The following GRM7 variants were observed in gnomAD, a reference collection of about 807,000 sequenced individuals.
GRM7 encodes glutamate metabotropic receptor 7.
Under a neutral mutation model 84.5 loss-of-function variants are expected in GRM7, and 35 were observed. The ratio of observed to expected loss-of-function variants is 0.41; its 90% CI spans 0.32 to 0.55. The LOEUF (loss-of-function observed/expected upper bound fraction) is 0.55, where lower values mean the gene tolerates loss of function less well. GRM7 is among the 20% of genes least tolerant of loss of function. GRM7 has a pLI of 0.19. For missense variants in GRM7, 1,003 were observed against 1,194.6 expected (o/e 0.84, Z 2.36); for synonymous variants, 487 against 455.1 (o/e 1.07, Z -0.89).
At chr3:7,082,034 T>C (rs993667063) in intron 1 of GRM7, among the ~76,000 whole-genome samples, 6 of 152,100 alleles carry the variant, frequency 3.9e-5, no homozygotes, top group Admixed American at 2.6e-4. Context: ...AGTGCTGATA[T>C]AGAAGCAGCA....
chr3:7,399,150 A>G (rs1023786970), intron 4 of GRM7, among the ~76,000 whole-genome samples: 1 of 149,704 alleles, frequency 6.7e-6, no homozygotes, highest in East Asian at 2.0e-4. Flanking sequence ...TGGAAATCAC[A>G]CATCTTCCTA....
intron 1 of GRM7, among the ~76,000 whole-genome samples, chr3:7,067,733 G>A (rs902606264): frequency 3.3e-5 from 5 of 151,914 alleles, no homozygotes; most frequent in African/African-American, 1.2e-4. Context: ...TTAGTCGTAA[G>A]GGTCATCCTG....
chr3:7,302,953 T>G (rs77788431), intron 3 of GRM7, among the ~76,000 whole-genome samples: 54,541 of 140,946 alleles, frequency 0.39, 11,077 homozygotes, highest in Middle Eastern at 0.52. Flanking sequence ...TTTTTTTTTT[T>G]TTGTTGAGAC....
At chr3:6,989,884 A>G (rs1026737134) in intron 1 of GRM7, among the ~76,000 whole-genome samples, 1 of 152,212 alleles carries the variant, frequency 6.6e-6, no homozygotes, top group African/African-American at 2.4e-5. Context: ...GCCTCTCTCT[A>G]CTATGTGCTA....
Position 7,451,211 on chromosome 3 carries a change from A to G in GRM7, c.1175-1396A>G, listed in dbSNP as rs574714312. 6.6e-5 allele frequency among the ~76,000 whole-genome samples: 10 copies of G among 152,354 alleles called. No individual in the cohort carries two copies. The South Asian group carries it at 1.7e-3, about 25-fold the overall frequency. Reference sequence around the variant, plus strand: ...CTGGTGTCGTGTACTTAATGAATGCATAATTTAATGCAACAAGTGTTATTT... The same window carrying G: ...CTGGTGTCGTGTACTTAATGAATGCGTAATTTAATGCAACAAGTGTTATTT... On this transcript the variant is annotated intron_variant, in intron 5 of 9. Coordinates refer to ENST00000357716, the MANE Select transcript of GRM7 (RefSeq NM_000844.4).
chr3:7,347,678 A>ATAAT (rs1692951529), intron 4 of GRM7, among the ~76,000 whole-genome samples: 1 of 152,176 alleles, frequency 6.6e-6, no homozygotes, highest in South Asian at 2.1e-4. Context: ...AATGTAAGGC[A>ATAAT]TACATAAATT....
In GRM7 at chr3:7,740,417, T is replaced by A; in HGVS notation, c.*11T>A. On this transcript the variant is annotated 3_prime_UTR_variant, in exon 10 of 10. Coordinates refer to ENST00000357716, the MANE Select transcript of GRM7 (RefSeq NM_000844.4). ...AACCTGGTTATCTAACCTGTTCCAT[T>A]CCATGGAACCATGGAGGAGGAAGAC... 1 of 1,477,074 alleles carries A rather than the reference T, an allele frequency of 6.8e-7. No individual in the cohort carries two copies. Among genetic ancestry groups the A allele is most frequent in the Non-Finnish European group, 9.3e-7 (1 of 1,069,616 alleles). 91.5% of individuals were successfully genotyped at this position (1,477,074 alleles called of 1,614,324 possible).
chr3:7,653,548 C>G (rs59892249), intron 8 of GRM7, among the ~76,000 whole-genome samples: 5,568 of 152,234 alleles, frequency 0.037, 341 homozygotes, highest in African/African-American at 0.13. Flanking sequence ...ACCCCTGCCC[C>G]TCAAGTCTCT....
intron 4 of GRM7, among the ~76,000 whole-genome samples, chr3:7,330,294 T>C (rs764646347): frequency 6.6e-6 from 1 of 152,112 alleles, no homozygotes; most frequent in Admixed American, 6.6e-5. Flanking sequence ...GAAAAGTCTG[T>C]CACAAAACCC....
intron 2 of GRM7, among the ~76,000 whole-genome samples, chr3:7,285,416 C>T (rs1337872901): frequency 6.6e-6 from 1 of 152,072 alleles, no homozygotes; most frequent in Non-Finnish European, 1.5e-5. Context: ...GTGTTGTTAT[C>T]GTGTGTTTTA....
intron 7 of GRM7, among the ~76,000 whole-genome samples, chr3:7,510,829 C>T (rs1488468259): frequency 6.6e-6 from 1 of 152,136 alleles, no homozygotes; most frequent in African/African-American, 2.4e-5. Flanking sequence ...TATTGGAACA[C>T]AGCCATGCCC....
At chr3:6,930,102 C>A (rs1697449528) in intron 1 of GRM7, among the ~76,000 whole-genome samples, 1 of 152,140 alleles carries the variant, frequency 6.6e-6, no homozygotes, top group Admixed American at 6.5e-5. Context: ...CAATCCCAAC[C>A]CTACTGTTGA....
chr3:7,473,485 AGAGG>A (rs1197458225), intron 7 of GRM7, among the ~76,000 whole-genome samples: 1 of 103,170 alleles, frequency 9.7e-6, no homozygotes, highest in African/African-American at 4.0e-5. Flanking sequence ...CTTAAAAACG[AGAGG>A]GAGAGAGAGA....
intron 1 of GRM7, among the ~76,000 whole-genome samples, chr3:6,976,110 C>A (rs1693983392): frequency 6.6e-6 from 1 of 152,158 alleles, no homozygotes; most frequent in Non-Finnish European, 1.5e-5. Flanking sequence ...CCTCCCCACA[C>A]CTGGCCCACT....
intron 8 of GRM7, among the ~76,000 whole-genome samples, chr3:7,650,666 G>T (rs1017024485): frequency 2.0e-5 from 3 of 152,142 alleles, no homozygotes; most frequent in South Asian, 4.1e-4. Context: ...GCAAGCAAAG[G>T]TCATTTTCTA....
At chr3:7,343,551 C>T (rs1692745531) in intron 4 of GRM7, among the ~76,000 whole-genome samples, 1 of 151,184 alleles carries the variant, frequency 6.6e-6, no homozygotes, top group Admixed American at 6.6e-5. Context: ...GTACAAATTG[C>T]TTGATTTTTT....
At chr3:7,093,168 C>G (rs1390055837) in intron 1 of GRM7, among the ~76,000 whole-genome samples, 1 of 152,156 alleles carries the variant, frequency 6.6e-6, no homozygotes, top group East Asian at 1.9e-4. Flanking sequence ...GCCATTCACT[C>G]TCTTCCACTT....
At chr3:7,542,551 ATT>A (rs35372177) in intron 7 of GRM7, among the ~76,000 whole-genome samples, 44,864 of 136,176 alleles carry the variant, frequency 0.33, 6,109 homozygotes, top group Middle Eastern at 0.38. Context: ...ATGCATAGCA[ATT>A]TTTTTTTTTT....
chr3:7,625,933 A>G (rs1171012857), intron 8 of GRM7, among the ~76,000 whole-genome samples: 4 of 152,192 alleles, frequency 2.6e-5, no homozygotes, highest in Non-Finnish European at 5.9e-5. Context: ...TCAGAGTTAA[A>G]AGAGAACAAC....
Sources: allele counts gnomAD v4.1 joint callset (sites outside exome capture counted in the v4.1 genomes callset), GRCh38; gene constraint gnomAD v4.1.1; transcripts MANE v1.5; gene names NCBI Gene and HGNC (gene_info 2026-07-23, HGNC 2026-07-21).